Variants in SLC5A9 observed in about 807,000 individuals in gnomAD.
The protein encoded by SLC5A9 is solute carrier family 5 member 9.
Under a neutral mutation model 70.9 loss-of-function variants are expected in SLC5A9, and 59 were observed. The observed-to-expected ratio is 0.83, with a 90% confidence interval of 0.68 to 1.03. SLC5A9 has a LOEUF of 1.03. Ranked by LOEUF, SLC5A9 falls within the 50% of genes least tolerant of loss-of-function variation. The pLI is 0.00. For synonymous variants in SLC5A9, 340 were observed against 346.5 expected (o/e 0.98, Z 0.21); for missense variants, 832 against 881.1 (o/e 0.94, Z 0.71).
In SLC5A9 at chr1:48,239,395, C is replaced by A; in HGVS notation, c.1535C>A (p.Ala512Glu). 1 of 1,614,136 alleles carries A rather than the reference C, an allele frequency of 6.2e-7. No homozygotes were observed. The highest frequency in any genetic ancestry group is 8.5e-7 in the Non-Finnish European group (1 of 1,180,016). The change falls in exon 12 of 14, where the codon GCG becomes GAG. Residue 512 changes from alanine to glutamate, a missense_variant. By Grantham distance (107) the Ala-to-Glu change is moderately radical. Coordinates refer to ENST00000438567, the MANE Select transcript of SLC5A9 (RefSeq NM_001011547.3). The surrounding 1 kb of genome is among the most constrained non-coding windows in gnomAD (Gnocchi z 4.2). The stretch of plus-strand genomic sequence containing the variant: ...ATGATCCTGGAGTTCTCATACCCAG[C>A]GCCAGCCTGTGGGGAGGTGGACCGG... ...LRMILEFSYP[A>E]PACGEVDRRP...
intron 2 of SLC5A9, among the ~76,000 whole-genome samples, chr1:48,225,349 C>G (rs1231318735): frequency 6.6e-6 from 1 of 152,040 alleles, no homozygotes; most frequent in African/African-American, 2.4e-5. Flanking sequence ...TCCCATCAAG[C>G]CACACCACAT....
chr1:48,233,736 AGTTG>A lies in SLC5A9; in HGVS notation c.1118_1121del (p.Leu373SerfsTer12). On this transcript the variant is annotated frameshift_variant, in exon 9 of 14. Coordinates refer to ENST00000438567, the MANE Select transcript of SLC5A9 (RefSeq NM_001011547.3). LOFTEE classifies it high-confidence loss of function. ...GGATGTTCCAACATTGCCTACCCTA[AGTTG>A]GTCATGGCCCTCATGCCTGTTGGTG... 6.2e-7 allele frequency: 1 copy of A among 1,613,962 alleles called. No individual in the cohort carries two copies. Among genetic ancestry groups the A allele is most frequent in the Non-Finnish European group, 8.5e-7 (1 of 1,179,912 alleles).
intron 13 of SLC5A9, among the ~76,000 whole-genome samples, chr1:48,243,795 G>A (rs1644419145): frequency 6.6e-6 from 1 of 152,080 alleles, no homozygotes; most frequent in Non-Finnish European, 1.5e-5. Context: ...AGTTAAATAA[G>A]TTTGCAAATT....
intron 10 of SLC5A9, 113 bp from the exon 11 acceptor site, chr1:48,237,566 G>T (rs978409393): frequency 9.8e-7 from 1 of 1,018,868 alleles, no homozygotes. Flanking sequence ...CTCTGATCTA[G>T]TGATTGTACA....
chr1:48,236,002 C>A, intron 10 of SLC5A9, 123 bp downstream of exon 10: 1 of 1,050,754 alleles, frequency 9.5e-7, no homozygotes, highest in Non-Finnish European at 1.4e-6. Flanking sequence ...CGGGTTCAAG[C>A]TCCAGCTCTC....
At chr1:48,244,731 ATATAATATATATAAATTATATT>A (rs1229143511) in intron 13 of SLC5A9, among the ~76,000 whole-genome samples, 1,315 of 30,024 alleles carry the variant, frequency 0.044, 76 homozygotes, top group African/African-American at 0.11. Flanking sequence ...TATATAAAAT[ATATAATATATATAAATTATATT>A]TATATTATAT....
At chr1:48,231,728 C>T in intron 6 of SLC5A9, 103 bp downstream of exon 6, 1 of 1,531,822 alleles carries the variant, frequency 6.5e-7, no homozygotes, top group African/African-American at 1.4e-5. Context: ...GTGCATAGAG[C>T]CATGTGAGCC....
chr1:48,242,658 A>AG (rs1303449661), intron 13 of SLC5A9, 42 bp downstream of exon 13: 1 of 1,555,656 alleles, frequency 6.4e-7, no homozygotes. Flanking sequence ...ACAGAGGAAC[A>AG]GGGGGGACAG....
chr1:48,228,694 T>G, intron 2 of SLC5A9, 156 bp from the exon 3 acceptor site: 1 of 1,254,176 alleles, frequency 8.0e-7, no homozygotes, highest in Non-Finnish European at 1.1e-6. Context: ...TACCCCTCCC[T>G]GCGGATATCT....
At chr1:48,234,405 G>A (rs990868471) in intron 9 of SLC5A9, among the ~76,000 whole-genome samples, 2 of 152,158 alleles carry the variant, frequency 1.3e-5, no homozygotes, top group African/African-American at 4.8e-5. Context: ...CTGGATTTGT[G>A]TTTTAGCAAG....
intron 12 of SLC5A9, among the ~76,000 whole-genome samples, chr1:48,240,872 T>C (rs925335867): frequency 5.3e-5 from 8 of 152,230 alleles, no homozygotes; most frequent in Non-Finnish European, 1.0e-4. Flanking sequence ...AACATTCTGC[T>C]GAAATCGCTC....
chr1:48,240,276 C>T lies in SLC5A9; in HGVS notation c.1677+739C>T, dbSNP rs1327225753. The T allele has an allele frequency of 5.3e-5, 8 of 152,320 alleles. No individual in the cohort carries two copies. The East Asian group carries it at 1.4e-3, about 26-fold the overall frequency. 9.4% of individuals were successfully genotyped at this position (152,320 alleles called of 1,614,324 possible). ...TCCTCTTTGTCTTTACACGGTCTTC[C>T]CCTATGCCTGCCTGTGACTGAATCT... is the stretch of plus-strand genomic sequence containing the variant. On this transcript the variant is annotated intron_variant, in intron 12 of 13. Coordinates refer to ENST00000438567, the MANE Select transcript of SLC5A9 (RefSeq NM_001011547.3).
At chr1:48,234,661 G>C (rs1352441851) in intron 9 of SLC5A9, among the ~76,000 whole-genome samples, 4 of 152,166 alleles carry the variant, frequency 2.6e-5, no homozygotes, top group African/African-American at 9.7e-5. Flanking sequence ...ATAATATTGA[G>C]ATTAGGGACA....
At chr1:48,227,201 T>TGGGC (rs1553128644) in intron 2 of SLC5A9, among the ~76,000 whole-genome samples, 3 of 139,188 alleles carry the variant, frequency 2.2e-5, no homozygotes. Context: ...TGTGCCTGTG[T>TGGGC]GTGAGTGCAT....
At position 48,229,360 on chromosome 1, in the gene SLC5A9, C is replaced by T. The variant is rs1233532241; in HGVS notation, c.405C>T (p.Val135=). The change falls in exon 4 of 14, where the codon GTC becomes GTT. Residue 135 remains valine, a synonymous_variant. Coordinates refer to ENST00000438567, the MANE Select transcript of SLC5A9 (RefSeq NM_001011547.3). ...FVPVYIAAGV[V]TMPQYLKKRF... ...CTGTGTACATCGCAGCAGGTGTGGT[C>T]ACAATGCCGCAGTATCTGAAGAAGC... 6.2e-7 allele frequency: 1 copy of T among 1,614,010 alleles called. No individual in the cohort carries two copies. The highest frequency in any genetic ancestry group is 1.7e-5 in the Admixed American group (1 of 60,004).
chr1:48,241,850 C>T (rs1222346525), intron 12 of SLC5A9: 7 of 447,506 alleles, frequency 1.6e-5, no homozygotes, highest in South Asian at 8.0e-5. Context: ...AAGGCAGGAA[C>T]CCTGGAGCCA....
At position 48,233,753 on chromosome 1, in the gene SLC5A9, A is replaced by G. The variant is rs778574259; in HGVS notation, c.1132A>G (p.Met378Val). Residue 378 changes from methionine (M) to valine (V), a missense_variant, in exon 9 of 14, where the codon ATG becomes GTG. By Grantham distance (21) the Met-to-Val change is conservative (BLOSUM62 1). Transcript: ENST00000438567. ...IAYPKLVMALMPVGLRGLMIA... is the reference protein window; with the variant it reads ...IAYPKLVMALVPVGLRGLMIA... Reference sequence around the variant, plus strand: ...CTACCCTAAGTTGGTCATGGCCCTCATGCCTGTTGGTGAGTCTCTTCTCCC... The same window carrying G: ...CTACCCTAAGTTGGTCATGGCCCTCGTGCCTGTTGGTGAGTCTCTTCTCCC... 3.1e-6 allele frequency: 5 copies of G among 1,612,860 alleles called. No homozygotes were observed. The East Asian group carries it at 6.7e-5, about 22-fold the overall frequency.
At chr1:48,227,424 G>T (rs1239807152) in intron 2 of SLC5A9, among the ~76,000 whole-genome samples, 1 of 106,514 alleles carries the variant, frequency 9.4e-6, no homozygotes, top group Admixed American at 1.1e-4. Flanking sequence ...GAGTGCATGT[G>T]TGTCAGAGTG....
chr1:48,239,392 C>T lies in SLC5A9; in HGVS notation c.1532C>T (p.Pro511Leu), dbSNP rs762909807. 6.2e-7 allele frequency: 1 copy of T among 1,614,150 alleles called. No individual in the cohort carries two copies. The change falls in exon 12 of 14, where the codon CCA (proline) becomes CTA (leucine). Residue 511 changes from proline to leucine, a missense_variant. Physicochemically the swap from Pro to Leu is moderately conservative, Grantham distance 98. Transcript: ENST00000438567. This position sits in a 1 kb window ranked among gnomAD's most constrained non-coding sequence, Gnocchi z 4.2. ...LLRMILEFSY[P>L]APACGEVDRR... ...CGTATGATCCTGGAGTTCTCATACC[C>T]AGCGCCAGCCTGTGGGGAGGTGGAC...
Sources: allele counts gnomAD v4.1 joint callset (sites outside exome capture counted in the v4.1 genomes callset), GRCh38; gene constraint gnomAD v4.1.1; non-coding constraint Gnocchi (gnomAD v3.1); transcripts MANE v1.5; gene names NCBI Gene and HGNC (gene_info 2026-07-23, HGNC 2026-07-21).